KIAA0753: variants seen among roughly 807,000 people sequenced by gnomAD.
KIAA0753 encodes protein moonraker.
Under a neutral mutation model 116.9 loss-of-function variants are expected in KIAA0753, and 114 were observed. The ratio of observed to expected loss-of-function variants is 0.98; its 90% CI spans 0.84 to 1.14. The LOEUF is 1.14. KIAA0753 is among the 50% of genes most tolerant of loss of function. The pLI is 0.00. For synonymous variants in KIAA0753, 405 were observed against 413.1 expected, an observed-to-expected ratio of 0.98 and a Z score of 0.24; for missense variants, 1,156 against 1,172.4, an observed-to-expected ratio of 0.99 and a Z score of 0.20.
intron 11 of KIAA0753, 63 bp from the exon 12 acceptor site, chr17:6,607,025 C>T: frequency 6.6e-7 from 1 of 1,522,958 alleles, no homozygotes; most frequent in Middle Eastern, 1.7e-4. Context: ...CTCCCTTGAG[C>T]TCCAGTCTTG....
At chr17:6,588,083 C>T (rs1423939943) in intron 18 of KIAA0753, among the ~76,000 whole-genome samples, 4 of 152,068 alleles carry the variant, frequency 2.6e-5, no homozygotes, top group Non-Finnish European at 4.4e-5. Flanking sequence ...AATGAGGAGA[C>T]TGGCTGAAAA....
intron 3 of KIAA0753, among the ~76,000 whole-genome samples, chr17:6,627,893 TGAA>T (rs1366259012): frequency 6.6e-6 from 1 of 152,150 alleles, no homozygotes; most frequent in African/African-American, 2.4e-5. Context: ...GCAGCCACAG[TGAA>T]GAAGTTCTTT....
chr17:6,581,860 C>T (rs150684898), intron 18 of KIAA0753, among the ~76,000 whole-genome samples: 4 of 152,340 alleles, frequency 2.6e-5, no homozygotes, highest in African/African-American at 9.6e-5. Flanking sequence ...TCCTTTCTAG[C>T]ACAGTATGTC....
At chr17:6,581,643 T>G (rs1968187210) in intron 18 of KIAA0753, among the ~76,000 whole-genome samples, 1 of 152,260 alleles carries the variant, frequency 6.6e-6, no homozygotes, top group Non-Finnish European at 1.5e-5. Context: ...GCTGGCATTC[T>G]ACTGTAATGA....
chr17:6,635,085 C>G lies in KIAA0753; in HGVS notation c.19G>C (p.Ala7Pro). ...GGTGCTAGATGAACACAGGTTGAAG[C>G]TGGCTGGCCTGGTCCCATAATGTCA... is the stretch of plus-strand genomic sequence containing the variant. MGPGQP[A>P]STCVHLAPRT... The change falls in exon 2 of 19, where the codon GCT becomes CCT. Residue 7 changes from alanine to proline, a missense_variant. Physicochemically the swap from Ala to Pro is conservative, Grantham distance 27. Coordinates refer to ENST00000361413, the MANE Select transcript of KIAA0753 (RefSeq NM_014804.3). The G allele has an allele frequency of 6.2e-7, 1 of 1,613,806 alleles. No individual in the cohort carries two copies. The highest frequency in any genetic ancestry group is 1.1e-5 in the South Asian group (1 of 91,068).
intron 18 of KIAA0753, among the ~76,000 whole-genome samples, chr17:6,582,794 C>T (rs1968276788): frequency 6.6e-6 from 1 of 152,166 alleles, no homozygotes; most frequent in Non-Finnish European, 1.5e-5. Flanking sequence ...AACAAGTATC[C>T]ATGACTTGAC....
rs1408095270 is a variant in KIAA0753 at position 6,628,741 on chromosome 17, T to C, written c.94A>G (p.Asn32Asp). 23 of 1,581,124 alleles carry C rather than the reference T, an allele frequency of 1.5e-5. No individual in the cohort carries two copies. In the African/African-American group the frequency reaches 2.6e-4, roughly 18 times the overall value. ...RSDPKVLQTQ[N>D]QLQFNRNVPT... is the part of the protein sequence containing the mutation. ...ACATTCCTATTAAACTGCAGCTGGT[T>C]CTTTAAAAAGCAAATAAAAGTAAGC... Residue 32 changes from asparagine (N) to aspartate (D), a missense_variant and splice_region_variant, in exon 3 of 19, where the codon AAC (asparagine) becomes GAC (aspartate). Coordinates refer to ENST00000361413, the MANE Select transcript of KIAA0753 (RefSeq NM_014804.3).
intron 16 of KIAA0753, among the ~76,000 whole-genome samples, chr17:6,593,992 G>A (rs1969278662): frequency 6.6e-6 from 1 of 152,194 alleles, no homozygotes. Flanking sequence ...CAAGGATGTA[G>A]GAAATAGGAG....
At chr17:6,596,406 T>C in intron 14 of KIAA0753, 63 bp from the exon 15 acceptor site, 1 of 1,258,990 alleles carries the variant, frequency 7.9e-7, no homozygotes, top group Non-Finnish European at 1.1e-6. Context: ...GAAGGTGATA[T>C]AATGAAAACA....
At chr17:6,634,853 A>C (rs1972213888) in intron 2 of KIAA0753, 158 bp downstream of exon 2, 5 of 581,550 alleles carry the variant, frequency 8.6e-6, no homozygotes, top group Non-Finnish European at 1.5e-5. Context: ...TTCTGCAAAA[A>C]TTTTAAAGAC....
At chr17:6,600,776 G>C (rs1460195223) in intron 12 of KIAA0753, among the ~76,000 whole-genome samples, 1 of 152,094 alleles carries the variant, frequency 6.6e-6, no homozygotes, top group Non-Finnish European at 1.5e-5. Flanking sequence ...AAAAATAACG[G>C]TTGTCATTAA....
chr17:6,585,372 C>T (rs570171677), intron 18 of KIAA0753, among the ~76,000 whole-genome samples: 3 of 152,304 alleles, frequency 2.0e-5, no homozygotes, highest in African/African-American at 7.2e-5. Flanking sequence ...TTCACTCACT[C>T]ACTCACAAGT....
At chr17:6,609,062 G>A (rs1970370738) in intron 9 of KIAA0753, among the ~76,000 whole-genome samples, 1 of 152,204 alleles carries the variant, frequency 6.6e-6, no homozygotes, top group Admixed American at 6.5e-5. Flanking sequence ...GCTGTTACAT[G>A]AATAAGACAT....
chr17:6,617,857 C>G (rs1177941661), intron 7 of KIAA0753, among the ~76,000 whole-genome samples: 1 of 152,248 alleles, frequency 6.6e-6, no homozygotes, highest in African/African-American at 2.4e-5. Context: ...AATCCCAACA[C>G]TCTGGGAGGC....
chr17:6,632,926 A>AC (rs1972096976), intron 2 of KIAA0753, among the ~76,000 whole-genome samples: 1 of 152,186 alleles, frequency 6.6e-6, no homozygotes, highest in African/African-American at 2.4e-5. Flanking sequence ...CTACAGAGGC[A>AC]TGACAATGTA....
rs1597441533 is a variant in KIAA0753, at chr17:6,579,782, C to T, written c.2869G>A (p.Val957Met). 2 of 1,613,872 alleles carry T rather than the reference C, an allele frequency of 1.2e-6. No homozygotes were observed. Among genetic ancestry groups the T allele is most frequent in the African/African-American group, 1.3e-5 (1 of 75,044 alleles). Residue 957 changes from valine to methionine, a missense_variant, in exon 19 of 19, where the codon GTG becomes ATG. Val to Met is a conservative substitution (Grantham distance 21). Coordinates refer to ENST00000361413, the MANE Select transcript of KIAA0753 (RefSeq NM_014804.3). ...QDMCEDYAEA[V>M]FTSEFLEAAT The stretch of plus-strand genomic sequence containing the variant: ...GCCTCTAAGAATTCTGAGGTGAACA[C>T]AGCTTCTGCATAATCTTCGCACATA...
At chr17:6,618,084 G>C (rs112234989) in intron 7 of KIAA0753, among the ~76,000 whole-genome samples, 1,557 of 151,814 alleles carry the variant, frequency 0.01, 30 homozygotes, top group African/African-American at 0.035. Context: ...CCTGGGCAAC[G>C]AGAGCGAGAC....
chr17:6,600,104 C>T (rs1969758660), intron 13 of KIAA0753, among the ~76,000 whole-genome samples: 1 of 152,224 alleles, frequency 6.6e-6, no homozygotes, highest in Non-Finnish European at 1.5e-5. Flanking sequence ...ACTTCACCAA[C>T]AGATCTATTT....
Position 6,624,798 on chromosome 17 carries a change from T to C in KIAA0753, c.782A>G (p.Gln261Arg). 1 of 1,564,294 alleles carries C rather than the reference T, an allele frequency of 6.4e-7. No individual in the cohort carries two copies. The highest frequency in any genetic ancestry group is 8.7e-7 in the Non-Finnish European group (1 of 1,152,334). ...ERRIRIRRQE[Q>R]AARSARMLYV... Reference sequence around the variant, plus strand: ...GAGCATTCGGGCAGAGCGAGCAGCTTGCTCCTGTCTCCTGATACGGATTCG... The same window carrying C: ...GAGCATTCGGGCAGAGCGAGCAGCTCGCTCCTGTCTCCTGATACGGATTCG... The change falls in exon 4 of 19, where the codon CAA becomes CGA. Residue 261 changes from glutamine to arginine, a missense_variant. By Grantham distance (43) the Gln-to-Arg change is conservative (BLOSUM62 1). Coordinates refer to ENST00000361413, the MANE Select transcript of KIAA0753 (RefSeq NM_014804.3).
Sources: gnomAD v4.1 joint callset for allele counts (sites outside exome capture counted in the v4.1 genomes callset) on GRCh38, gnomAD v4.1.1 for gene constraint, MANE v1.5 for transcripts, NCBI Gene and HGNC (gene_info 2026-07-23, HGNC 2026-07-21) for gene names.